NAALADL2: variants seen among roughly 807,000 people sequenced by gnomAD.
NAALADL2 encodes the protein N-acetylated alpha-linked acidic dipeptidase like 2.
Under a neutral mutation model 87.2 loss-of-function variants are expected in NAALADL2, and 76 were observed. The observed-to-expected ratio is 0.87, with a 90% CI of 0.72 to 1.05. The LOEUF is 1.05. Among genes scored for constraint, NAALADL2 ranks in the 50% least tolerant of loss-of-function variants. The probability of loss-of-function intolerance (pLI) is 0.00; values close to 1 mark genes in which losing one functional copy is unlikely to be tolerated. For missense variants in NAALADL2, 1,089 were observed against 945.8 expected (o/e 1.15, Z -1.99); for synonymous variants, 354 against 331.0 (o/e 1.07, Z -0.75).
intron 1 of NAALADL2, among the ~76,000 whole-genome samples, chr3:174,506,190 T>C (rs1719194293): frequency 6.6e-6 from 1 of 151,944 alleles, no homozygotes; most frequent in Non-Finnish European, 1.5e-5. Context: ...TATCTTTTTT[T>C]TTTTTTTTGA....
chr3:174,948,990 T>G (rs1023129023), intron 1 of NAALADL2, among the ~76,000 whole-genome samples: 1 of 152,152 alleles, frequency 6.6e-6, no homozygotes, highest in African/African-American at 2.4e-5. Context: ...CATACACAGT[T>G]GTCTTCTCAC....
chr3:175,301,937 T>G (rs1282793893), intron 4 of NAALADL2, among the ~76,000 whole-genome samples: 1 of 152,096 alleles, frequency 6.6e-6, no homozygotes, highest in Non-Finnish European at 1.5e-5. Context: ...GTTAACTAAT[T>G]AACTCTGCTC....
intron 1 of NAALADL2, among the ~76,000 whole-genome samples, chr3:175,045,789 T>C (rs886523090): frequency 6.6e-6 from 1 of 152,286 alleles, no homozygotes; most frequent in Middle Eastern, 3.4e-3. Flanking sequence ...ATGCCTTCCT[T>C]CTACTCCAGA....
intron 13 of NAALADL2, among the ~76,000 whole-genome samples, chr3:175,788,544 C>G (rs533801162): frequency 6.6e-5 from 10 of 152,244 alleles, no homozygotes; most frequent in South Asian, 2.1e-4. Flanking sequence ...GAGCAATAAC[C>G]TATACCATGA....
At chr3:174,614,394 T>C (rs76182248) in intron 2 of NAALADL2, among the ~76,000 whole-genome samples, 2,154 of 152,310 alleles carry the variant, frequency 0.014, 36 homozygotes, top group Non-Finnish European at 0.015. Flanking sequence ...GATTCCCACC[T>C]GGGTAGGGCT....
At chr3:174,690,673 T>C (rs1337246797) in intron 2 of NAALADL2, among the ~76,000 whole-genome samples, 1 of 152,150 alleles carries the variant, frequency 6.6e-6, no homozygotes, top group Non-Finnish European at 1.5e-5. Context: ...GAATGATGCC[T>C]GTGAGCCTTT....
chr3:175,016,820 G>A (rs1424486649), intron 1 of NAALADL2, among the ~76,000 whole-genome samples: 1 of 151,562 alleles, frequency 6.6e-6, no homozygotes, highest in Non-Finnish European at 1.5e-5. Flanking sequence ...CCTACTTTCA[G>A]GGTACATGGT....
At chr3:175,295,963 A>T (rs1000934209) in intron 4 of NAALADL2, among the ~76,000 whole-genome samples, 3 of 151,776 alleles carry the variant, frequency 2.0e-5, no homozygotes, top group African/African-American at 7.3e-5. Context: ...CTGATGTTGT[A>T]TCTTCTGTTT....
chr3:174,793,525 T>A (rs1325502919), intron 3 of NAALADL2, among the ~76,000 whole-genome samples: 3 of 152,124 alleles, frequency 2.0e-5, no homozygotes, highest in African/African-American at 7.2e-5. Context: ...AAAGCTGTGG[T>A]CAAATCATGT....
chr3:175,735,575 G>A (rs549232448), intron 11 of NAALADL2, among the ~76,000 whole-genome samples: 3 of 152,172 alleles, frequency 2.0e-5, no homozygotes, highest in Non-Finnish European at 4.4e-5. Context: ...AGAATACAAG[G>A]AGGAGCAAGT....
intron 1 of NAALADL2, among the ~76,000 whole-genome samples, chr3:174,950,901 T>C (rs1254701406): frequency 6.6e-6 from 1 of 152,136 alleles, no homozygotes; most frequent in East Asian, 1.9e-4. Context: ...TTTATATCTA[T>C]CTCTTTATTC....
At chr3:174,658,456 T>C (rs541621561) in intron 2 of NAALADL2, among the ~76,000 whole-genome samples, 2 of 152,324 alleles carry the variant, frequency 1.3e-5, no homozygotes, top group African/African-American at 4.8e-5. Flanking sequence ...GCTTATTTTT[T>C]AAATCAGGGT....
intron 3 of NAALADL2, among the ~76,000 whole-genome samples, chr3:174,806,915 T>C (rs1183249062): frequency 6.6e-6 from 1 of 152,176 alleles, no homozygotes. Flanking sequence ...AGCCATCTAG[T>C]AAACAAGGCA....
chr3:174,758,844 G>A (rs893256950), intron 3 of NAALADL2, among the ~76,000 whole-genome samples: 8 of 152,140 alleles, frequency 5.3e-5, no homozygotes, highest in African/African-American at 1.9e-4. Context: ...TTTTTATACT[G>A]CTGCATCCCT....
chr3:175,097,285 C>T lies in NAALADL2; in HGVS notation c.539C>T (p.Ser180Phe), dbSNP rs1209377482. 1.9e-6 allele frequency: 3 copies of T among 1,604,174 alleles called. No homozygotes were observed. In the East Asian group the frequency reaches 6.7e-5, roughly 36 times the overall value. The stretch of plus-strand genomic sequence containing the variant: ...ATCCAGGCAGAAGATATTAAGAAGT[C>T]TTTCAGGTAGGTGAAGAAGAAACAG... Reference protein sequence around the residue: ...KTIQAEDIKKSFRNLVQLYKN... With the variant: ...KTIQAEDIKKFFRNLVQLYKN... The change falls in exon 2 of 14, where the codon TCT becomes TTT. Residue 180 changes from serine (S) to phenylalanine (F), a missense_variant. By Grantham distance (155) the Ser-to-Phe change is radical. Transcript: ENST00000454872.
intron 13 of NAALADL2, among the ~76,000 whole-genome samples, chr3:175,760,844 A>C (rs1004405331): frequency 3.9e-5 from 6 of 152,204 alleles, no homozygotes; most frequent in African/African-American, 1.4e-4. Context: ...CATTCCCACT[A>C]TAATTTGATT....
chr3:175,251,842 C>A (rs1358410834), intron 3 of NAALADL2, among the ~76,000 whole-genome samples: 1 of 152,116 alleles, frequency 6.6e-6, no homozygotes, highest in Non-Finnish European at 1.5e-5. Flanking sequence ...TTATTGCCTG[C>A]AAATCCATCA....
chr3:175,596,073 A>C (rs1446426933), intron 10 of NAALADL2, among the ~76,000 whole-genome samples: 2 of 151,998 alleles, frequency 1.3e-5, no homozygotes, highest in African/African-American at 2.4e-5. Context: ...ATTAAATTTT[A>C]ATTCTGTTTT....
intron 5 of NAALADL2, among the ~76,000 whole-genome samples, chr3:175,406,442 T>C (rs9862776): frequency 0.67 from 102,442 of 152,038 alleles, 34,734 homozygotes; most frequent in East Asian, 0.81. Flanking sequence ...ATTTTCCTTC[T>C]ATCCATTAAA....
Sources: gnomAD v4.1 joint callset for allele counts (sites outside exome capture counted in the v4.1 genomes callset) on GRCh38, gnomAD v4.1.1 for gene constraint, MANE v1.5 for transcripts, NCBI Gene and HGNC (gene_info 2026-07-23, HGNC 2026-07-21) for gene names.